TMEM67: variants seen among roughly 807,000 people sequenced by gnomAD.
TMEM67 encodes meckelin.
Under a neutral mutation model 136.6 loss-of-function variants are expected in TMEM67, and 124 were observed. That is an observed-to-expected ratio of 0.91 (90% CI 0.78 to 1.05). TMEM67 has a LOEUF of 1.05. Ranked by LOEUF, TMEM67 falls within the 50% of genes least tolerant of loss-of-function variation. TMEM67 has a pLI of 0.00. For synonymous variants in TMEM67, 364 were observed against 390.5 expected (o/e 0.93, Z 0.80); for missense variants, 1,107 against 1,178.4 (o/e 0.94, Z 0.89).
chr8:93,755,073 G>C lies in TMEM67; in HGVS notation c.159G>C (p.Gln53His), dbSNP rs998413541. ...AGCCGGAGAAGTGCGACAACAACCAGTACTTTGATATCTCCGCCCTCTCGT... is the reference window on the plus strand; with the variant it reads ...AGCCGGAGAAGTGCGACAACAACCACTACTTTGATATCTCCGCCCTCTCGT... The part of the protein sequence containing the change: ...FQQPEKCDNN[Q>H]YFDISALSCV... Residue 53 changes from glutamine to histidine, a missense_variant, in exon 1 of 28, where the codon CAG (glutamine) becomes CAC (histidine). By Grantham distance (24) the Gln-to-His change is conservative. Around this residue, in one of 3 missense-constraint regions of TMEM67, gnomAD observed 178 missense variants for 159.2 expected, o/e 1.12. Coordinates refer to ENST00000453321, the MANE Select transcript of TMEM67 (RefSeq NM_153704.6). 1.9e-6 allele frequency: 3 copies of C among 1,614,206 alleles called. No homozygotes were observed. Among genetic ancestry groups the C allele is most frequent in the Non-Finnish European group, 2.5e-6 (3 of 1,180,046 alleles).
rs1808908770 is a variant in TMEM67 at position 93,816,400 on chromosome 8, G to A, written c.2936G>A (p.Gly979Glu). 1.3e-6 allele frequency: 2 copies of A among 1,589,070 alleles called. No individual in the cohort carries two copies. Among genetic ancestry groups the A allele is most frequent in the East Asian group, 2.2e-5 (1 of 44,532 alleles). ...TTTAGATATATCCGTAATACAGTAG[G>A]ACAAAAGAATTTGGCATCCAAAACA... is the stretch of plus-strand genomic sequence containing the variant. ...EIFRYIRNTV[G>E]QKNLASKTLV... The change falls in exon 28 of 28, where the codon GGA becomes GAA. Residue 979 changes from glycine (G) to glutamate (E), a missense_variant. Around this residue, in one of 3 missense-constraint regions of TMEM67, gnomAD observed 925 missense variants for 1,002.4 expected, o/e 0.92. Transcript: ENST00000453321.
intron 3 of TMEM67, among the ~76,000 whole-genome samples, chr8:93,761,595 GATCA>G (rs1211596807): frequency 9.2e-5 from 14 of 152,188 alleles, no homozygotes; most frequent in African/African-American, 2.9e-4. Context: ...ATCAAGATGA[GATCA>G]ATCAATTAAA....
In TMEM67 at chr8:93,807,179, G is replaced by T. The variant is rs555933206; in HGVS notation, c.2440-1661G>T. 3.3e-5 allele frequency among the ~76,000 whole-genome samples: 5 copies of T among 152,230 alleles called. No individual in the cohort carries two copies. The South Asian group carries it at 1.0e-3, about 32-fold the overall frequency. On this transcript the variant is annotated intron_variant, in intron 23 of 27. Transcript: ENST00000453321. ...GAAATGGGCAACCACAAAGCTACTG[G>T]TGGCAGGTTGAATTTATGCAGACCT...
In TMEM67 at chr8:93,795,375, T is replaced by TTG. The variant is rs1435430734; in HGVS notation, c.1675-33_1675-32insGT. 1.9e-6 allele frequency: 3 copies of TTG among 1,572,768 alleles called. No homozygotes were observed. The Admixed American group carries it at 5.0e-5, about 26-fold the overall frequency. On this transcript the variant is annotated intron_variant, in intron 16 of 27. Coordinates refer to ENST00000453321, the MANE Select transcript of TMEM67 (RefSeq NM_153704.6). ...CTAAAAGTGGTATATACATGGAGTC[T>TTG]TAAACAGCTGTAATTCTTTTTTTTA...
At chr8:93,773,214 C>T (rs1027775905) in intron 7 of TMEM67, among the ~76,000 whole-genome samples, 1 of 152,104 alleles carries the variant, frequency 6.6e-6, no homozygotes, top group Non-Finnish European at 1.5e-5. Context: ...GAGCAAAGAT[C>T]TCAAAGCAGT....
downstream of TMEM67, among the ~76,000 whole-genome samples, chr8:93,820,448 T>A (rs575325470): frequency 5.7e-4 from 87 of 152,262 alleles, no homozygotes; most frequent in South Asian, 3.9e-3. Context: ...CTCTGTTCCT[T>A]GGCTGCATGT....
chr8:93,795,973 G>A lies in TMEM67; in HGVS notation c.1846G>A (p.Ala616Thr). ...ACGTTTTGTCACTTATGTTGGATGT[G>A]CCTTTGCTCTGAAGGTAAGTTTTAA... ...EERFVTYVGC[A>T]FALKALQFLH... Residue 616 changes from alanine (A) to threonine (T), a missense_variant, in exon 18 of 28, where the codon GCC (alanine) becomes ACC (threonine). By Grantham distance (58) the Ala-to-Thr change is moderately conservative. This residue lies in a region of TMEM67 where 925 missense variants were observed against 1,002.4 expected (regional missense o/e 0.92). Transcript: ENST00000453321. The A allele has an allele frequency of 6.2e-7, 1 of 1,612,792 alleles. No homozygotes were observed. The highest frequency in any genetic ancestry group is 1.7e-5 in the Admixed American group (1 of 60,016).
chr8:93,809,936 G>T, intron 26 of TMEM67, 49 bp downstream of exon 26: 2 of 1,167,570 alleles, frequency 1.7e-6, no homozygotes, highest in South Asian at 1.4e-5. Flanking sequence ...TTCAAAGTTT[G>T]AGAAAAAAGT....
At position 93,799,726 on chromosome 8, in the gene TMEM67, G is replaced by T; in HGVS notation, c.2209G>T (p.Ala737Ser). The change falls in exon 21 of 28, where the codon GCT becomes TCT. Residue 737 changes from alanine to serine, a missense_variant. Physicochemically the swap from Ala to Ser is moderately conservative, Grantham distance 99. Coordinates refer to ENST00000453321, the MANE Select transcript of TMEM67 (RefSeq NM_153704.6). Reference protein sequence around the residue: ...YSCILRYAVSAALWLAIGIIQ... With the variant: ...YSCILRYAVSSALWLAIGIIQ... ...CTGCATTTTGAGATATGCAGTGTCT[G>T]CTGCTCTTTGGCTAGCCATTGGAAT... is the stretch of plus-strand genomic sequence containing the variant. 1 of 1,613,720 alleles carries T rather than the reference G, an allele frequency of 6.2e-7. No individual in the cohort carries two copies. Among genetic ancestry groups the T allele is most frequent in the Non-Finnish European group, 8.5e-7 (1 of 1,179,826 alleles).
intron 3 of TMEM67, chr8:93,758,887 C>G: frequency 6.7e-6 from 2 of 298,148 alleles, no homozygotes; most frequent in Non-Finnish European, 1.3e-5. Flanking sequence ...GCATCAGTCA[C>G]TGTGTCCAGC....
At chr8:93,779,390 G>A (rs989738015) in intron 7 of TMEM67, among the ~76,000 whole-genome samples, 5 of 152,152 alleles carry the variant, frequency 3.3e-5, no homozygotes, top group Non-Finnish European at 5.9e-5. Context: ...ATCCAGCTTT[G>A]TTCTGTTGCT....
chr8:93,770,268 C>T (rs891344879), intron 6 of TMEM67, among the ~76,000 whole-genome samples: 2 of 152,064 alleles, frequency 1.3e-5, no homozygotes, highest in Non-Finnish European at 2.9e-5. Context: ...TCCCCCTGAG[C>T]CATTTGAAAA....
At chr8:93,809,277 C>A in intron 25 of TMEM67, 116 bp downstream of exon 25, 1 of 707,116 alleles carries the variant, frequency 1.4e-6, no homozygotes, top group Admixed American at 2.0e-5. Context: ...GAACCCCCAC[C>A]TTAAGACCTT....
Position 93,816,293 on chromosome 8 carries a change from T to A in TMEM67, c.2908-79T>A, listed in dbSNP as rs1808903028. ...AAATAGTTGAGAGAATTAGCTAATT[T>A]AATCTAGATATTTTAATCGACGTGC... is the stretch of plus-strand genomic sequence containing the variant. On this transcript the variant is annotated intron_variant, in intron 27 of 27. Transcript: ENST00000453321. The A allele has an allele frequency of 1.1e-5, 7 of 660,360 alleles. No homozygotes were observed. The South Asian group carries it at 1.3e-4, about 13-fold the overall frequency. 40.9% of individuals were successfully genotyped at this position (660,360 alleles called of 1,614,324 possible).
chr8:93,756,768 T>C (rs191856559), intron 2 of TMEM67: 75 of 152,314 alleles, frequency 4.9e-4, no homozygotes, highest in African/African-American at 1.8e-3. Context: ...GTTTAAGTTA[T>C]TGTAATTTTT....
downstream of TMEM67, chr8:93,818,877 A>G (rs923818675): frequency 3.0e-6 from 1 of 329,834 alleles, no homozygotes; most frequent in African/African-American, 2.2e-5. Context: ...ATTTTGGCCC[A>G]CTCTAACCTC....
At chr8:93,772,545 G>T in intron 6 of TMEM67, 44 bp from the exon 7 acceptor site, 1 of 1,383,920 alleles carries the variant, frequency 7.2e-7, no homozygotes, top group South Asian at 1.2e-5. Flanking sequence ...ATGCATATTG[G>T]AGTCATTTGA....
chr8:93,810,204 C>T (rs1030892762), intron 26 of TMEM67, among the ~76,000 whole-genome samples: 2 of 149,966 alleles, frequency 1.3e-5, no homozygotes, highest in Non-Finnish European at 3.0e-5. Flanking sequence ...CTCTTGACCT[C>T]GTGATCCGCC....
At chr8:93,821,840 CAAGATCACACCATTG>C (rs1419849903), downstream of TMEM67, among the ~76,000 whole-genome samples, 1 of 152,064 alleles carries the variant, frequency 6.6e-6, no homozygotes, top group East Asian at 1.9e-4. Context: ...TGTAGTAAAC[CAAGATCACACCATTG>C]AACTCCAGCC....
Sources: allele counts gnomAD v4.1 joint callset (sites outside exome capture counted in the v4.1 genomes callset), GRCh38; gene constraint gnomAD v4.1.1; regional missense constraint gnomAD v4.1.1; transcripts MANE v1.5; gene names NCBI Gene and HGNC (gene_info 2026-07-23, HGNC 2026-07-21).